The following RASAL1 variants were observed in gnomAD, a reference collection of about 807,000 sequenced individuals.
RASAL1 encodes rasGAP-activating-like protein 1.
Under a neutral mutation model 96.6 loss-of-function variants are expected in RASAL1, and 72 were observed. The ratio of observed to expected loss-of-function variants is 0.75; its 90% CI spans 0.62 to 0.91. RASAL1 has a LOEUF of 0.91. Among genes scored for constraint, RASAL1 ranks in the 40% least tolerant of loss-of-function variants. The pLI, the probability that RASAL1 is intolerant of heterozygous loss-of-function variation, is 0.00. For missense variants in RASAL1, 1,016 were observed against 1,072.5 expected (o/e 0.95, Z 0.74); for synonymous variants, 405 against 430.4 (o/e 0.94, Z 0.73).
chr12:113,101,975 G>A lies in RASAL1; in HGVS notation c.2139C>T (p.Thr713=), dbSNP rs1950464483. ...AGCSRTHSAV[T]LGDWSDPLDP... Reference sequence around the variant, plus strand: ...CCAGTGGGTCACTCCAGTCCCCCAGGGTGACAGCTGAGTGTGTACGGCTGC... The same window carrying A: ...CCAGTGGGTCACTCCAGTCCCCCAGAGTGACAGCTGAGTGTGTACGGCTGC... Residue 713 remains threonine, a synonymous_variant, in exon 19 of 21, where the codon ACC becomes ACT. Transcript: ENST00000548055. 4 of 1,614,128 alleles carry A rather than the reference G, an allele frequency of 2.5e-6. No individual in the cohort carries two copies. The highest frequency in any genetic ancestry group is 3.4e-6 in the Non-Finnish European group (4 of 1,180,010).
At chr12:113,117,004 TGCCCGCAA>T in intron 8 of RASAL1, 61 bp downstream of exon 8, 1 of 1,322,016 alleles carries the variant, frequency 7.6e-7, no homozygotes, top group Non-Finnish European at 1.0e-6. Flanking sequence ...GCATGGGCTC[TGCCCGCAA>T]GCTGTGGATG....
At position 113,114,780 on chromosome 12, in the gene RASAL1, G is replaced by T. The variant is rs1336745985; in HGVS notation, c.1181+20C>A. On this transcript the variant is annotated intron_variant, in intron 12 of 20. Transcript: ENST00000548055. ...CCAAAGGGGCCCGTCGGAAGGTCAGGGTCCTCAGGCTTTGCTCACCGGGTG... is the reference window on the plus strand; with the variant it reads ...CCAAAGGGGCCCGTCGGAAGGTCAGTGTCCTCAGGCTTTGCTCACCGGGTG... 1.9e-6 allele frequency: 3 copies of T among 1,602,248 alleles called. No individual in the cohort carries two copies. The highest frequency in any genetic ancestry group is 1.3e-5 in the African/African-American group (1 of 74,614).
intron 18 of RASAL1, chr12:113,103,229 A>G (rs1430869715): frequency 6.8e-6 from 1 of 147,134 alleles, no homozygotes; most frequent in Non-Finnish European, 1.5e-5. Flanking sequence ...TTATATAATA[A>G]CAATGTTATT....
chr12:113,111,502 A>G (rs1950863893), intron 13 of RASAL1, among the ~76,000 whole-genome samples: 1 of 152,188 alleles, frequency 6.6e-6, no homozygotes, highest in South Asian at 2.1e-4. Context: ...ATGGTTAGAT[A>G]GGGTAATAAA....
At position 113,114,420 on chromosome 12, in the gene RASAL1, G is replaced by A. The variant is rs547984613; in HGVS notation, c.1181+380C>T. Among the ~76,000 whole-genome samples, 35 of 149,614 alleles carry A rather than the reference G, an allele frequency of 2.3e-4. No homozygotes were observed. In the South Asian group the frequency reaches 5.5e-3, roughly 23 times the overall value. On this transcript the variant is annotated intron_variant, in intron 12 of 20. Transcript: ENST00000548055. ...GCCCGGGAAGTTGACGCTGCAGTGA[G>A]CTGTGGTCACACCACTGCACCCCAG...
chr12:113,132,083 T>C (rs532068389), intron 1 of RASAL1, among the ~76,000 whole-genome samples: 1 of 150,530 alleles, frequency 6.6e-6, no homozygotes, highest in South Asian at 2.1e-4. Context: ...GCGATTCTCC[T>C]GCCTCAGCCT....
Position 113,101,910 on chromosome 12 carries a change from A to G in RASAL1, c.2204T>C (p.Leu735Pro), listed in dbSNP as rs1410580668. 4.3e-6 allele frequency: 7 copies of G among 1,613,886 alleles called. No individual in the cohort carries two copies. The highest frequency in any genetic ancestry group is 5.9e-6 in the Non-Finnish European group (7 of 1,179,898). ...AEAQTVYRQLLLGRDQLRLKL... is the reference protein window; with the variant it reads ...AEAQTVYRQLPLGRDQLRLKL... ...CCACCTGAGCTGGTCCCGCCCCAGG[A>G]GCAGCTGCCGATACACTGTCTGGGC... Residue 735 changes from leucine (L) to proline (P), a missense_variant, in exon 19 of 21, where the codon CTC becomes CCC. Leu to Pro is a moderately conservative substitution (Grantham distance 98, BLOSUM62 -3). Transcript: ENST00000548055.
Position 113,130,924 on chromosome 12 carries a change from G to C in RASAL1, c.83C>G (p.Pro28Arg), listed in dbSNP as rs1951682512. Residue 28 changes from proline to arginine, a missense_variant, in exon 2 of 21, where the codon CCC becomes CGC. Physicochemically the swap from Pro to Arg is moderately radical, Grantham distance 103. Coordinates refer to ENST00000548055, the MANE Select transcript of RASAL1 (RefSeq NM_001301202.2). The surrounding 1 kb of genome is among the most constrained non-coding windows in gnomAD (Gnocchi z 5.1). Reference protein sequence around the residue: ...PAKDVSGSSDPYCLVKVDDEV... With the variant: ...PAKDVSGSSDRYCLVKVDDEV... ...GTCGTCCACTTTCACTAGGCAGTAG[G>C]GGTCGCTGCTCCCAGACCTGCAGAA... 1 of 1,613,490 alleles carries C rather than the reference G, an allele frequency of 6.2e-7. No homozygotes were observed. Among genetic ancestry groups the C allele is most frequent in the South Asian group, 1.1e-5 (1 of 91,042 alleles).
intron 18 of RASAL1, 196 bp downstream of exon 18, chr12:113,103,750 G>T: frequency 8.0e-6 from 6 of 748,992 alleles, no homozygotes; most frequent in Non-Finnish European, 8.8e-6. Context: ...TGCTCTTTGT[G>T]TAAATCAAGT....
At chr12:113,132,360 C>G (rs1200020938) in intron 1 of RASAL1, among the ~76,000 whole-genome samples, 1 of 152,122 alleles carries the variant, frequency 6.6e-6, no homozygotes, top group Non-Finnish European at 1.5e-5. Context: ...TCTGTGTCCC[C>G]CACTTCCCCA....
At chr12:113,106,514 T>C (rs1260143184) in intron 15 of RASAL1, among the ~76,000 whole-genome samples, 2 of 152,208 alleles carry the variant, frequency 1.3e-5, no homozygotes, top group Non-Finnish European at 2.9e-5. Context: ...AGTTCACTCT[T>C]CTTCACGGGT....
At chr12:113,102,075 CATT>C in intron 18 of RASAL1, 66 bp from the exon 19 acceptor site, 2 of 1,564,254 alleles carry the variant, frequency 1.3e-6, no homozygotes, top group Non-Finnish European at 8.7e-7. Flanking sequence ...CACAGCCAGG[CATT>C]CGCCAAGCCG....
chr12:113,101,850 G>T, intron 19 of RASAL1, 39 bp downstream of exon 19: 1 of 1,602,936 alleles, frequency 6.2e-7, no homozygotes, highest in Admixed American at 1.7e-5. Context: ...TGGCCTGGCT[G>T]GTCATAGGAG....
chr12:113,110,698 C>CT (rs1377387243), intron 13 of RASAL1, among the ~76,000 whole-genome samples: 33 of 152,090 alleles, frequency 2.2e-4, no homozygotes, highest in Admixed American at 2.2e-3. Flanking sequence ...GGCAAGGGGA[C>CT]TGCTTGAGGC....
intron 18 of RASAL1, among the ~76,000 whole-genome samples, chr12:113,102,350 G>T (rs1284939565): frequency 6.6e-6 from 1 of 152,182 alleles, no homozygotes; most frequent in East Asian, 1.9e-4. Flanking sequence ...CTGAGGTCAG[G>T]AGTTTCAGAC....
At position 113,115,959 on chromosome 12, in the gene RASAL1, A is replaced by G. The variant is rs972373435; in HGVS notation, c.824T>C (p.Met275Thr). 6 of 1,607,888 alleles carry G rather than the reference A, an allele frequency of 3.7e-6. No individual in the cohort carries two copies. The highest frequency in any genetic ancestry group is 4.2e-6 in the Non-Finnish European group (5 of 1,176,570). Residue 275 changes from methionine (M) to threonine (T), a missense_variant, in exon 9 of 21, where the codon ATG becomes ACG. Coordinates refer to ENST00000548055, the MANE Select transcript of RASAL1 (RefSeq NM_001301202.2). This position sits in a 1 kb window ranked among gnomAD's most constrained non-coding sequence, Gnocchi z 4.1. ...CTCTGCTGGCCCCTGCACAGACTCC[A>G]TGAGCAGCTCCATGAGAGGCTGGTA... The part of the protein sequence containing the change: ...QCYQPLMELL[M>T]ESVQGPAEED...
chr12:113,117,056 T>C lies in RASAL1; in HGVS notation c.731+17A>G. The C allele has an allele frequency of 1.3e-6, 2 of 1,567,164 alleles. No homozygotes were observed. Among genetic ancestry groups the C allele is most frequent in the Non-Finnish European group, 1.7e-6 (2 of 1,144,724 alleles). ...CATGGCTCCAGCCTGGCCCCCTCCCTCTGCACCCACATTTACCCAGAATCC... is the reference window on the plus strand; with the variant it reads ...CATGGCTCCAGCCTGGCCCCCTCCCCCTGCACCCACATTTACCCAGAATCC... On this transcript the variant is annotated intron_variant, in intron 8 of 20. Coordinates refer to ENST00000548055, the MANE Select transcript of RASAL1 (RefSeq NM_001301202.2).
intron 2 of RASAL1, among the ~76,000 whole-genome samples, chr12:113,128,697 C>A (rs1180181309): frequency 6.6e-6 from 1 of 151,990 alleles, no homozygotes; most frequent in Non-Finnish European, 1.5e-5. Flanking sequence ...ACCAAGGAGG[C>A]CAGAGACAGA....
At chr12:113,103,862 G>C (rs1950548078) in intron 18 of RASAL1, 84 bp downstream of exon 18, 1 of 1,527,904 alleles carries the variant, frequency 6.5e-7, no homozygotes, top group South Asian at 1.2e-5. Flanking sequence ...GCCCAAGGTT[G>C]CACAGCCAGC....
Sources: allele counts gnomAD v4.1 joint callset (sites outside exome capture counted in the v4.1 genomes callset), GRCh38; gene constraint gnomAD v4.1.1; non-coding constraint Gnocchi (gnomAD v3.1); transcripts MANE v1.5; gene names NCBI Gene and HGNC (gene_info 2026-07-23, HGNC 2026-07-21).